The following FAM227B variants were observed in gnomAD, a reference collection of about 807,000 sequenced individuals.
The protein encoded by FAM227B is protein FAM227B.
Under a neutral mutation model 73.8 loss-of-function variants are expected in FAM227B, and 88 were observed. The observed-to-expected ratio is 1.19, with a 90% CI of 1.00 to 1.42. FAM227B has a LOEUF of 1.42. Among genes scored for constraint, FAM227B ranks in the 40% most tolerant of loss-of-function variants. The probability of loss-of-function intolerance (pLI) is 0.00; values close to 1 mark genes in which losing one functional copy is unlikely to be tolerated. For missense variants in FAM227B, 632 were observed against 590.9 expected, an observed-to-expected ratio of 1.07 and a Z score of -0.72; for synonymous variants, 210 against 190.5, an observed-to-expected ratio of 1.10 and a Z score of -0.84.
chr15:49,538,351 T>C (rs1160656801), intron 10 of FAM227B, among the ~76,000 whole-genome samples: 2 of 152,182 alleles, frequency 1.3e-5, no homozygotes, highest in East Asian at 1.9e-4. Context: ...CCTGGAGCAC[T>C]TCATCAGTTT....
chr15:49,387,346 A>C (rs2046945874), intron 11 of FAM227B, among the ~76,000 whole-genome samples: 1 of 151,934 alleles, frequency 6.6e-6, no homozygotes. Flanking sequence ...AATATACGCA[A>C]GTCAGTAAGT....
At chr15:49,518,602 T>A (rs189147886) in intron 10 of FAM227B, among the ~76,000 whole-genome samples, 1 of 152,220 alleles carries the variant, frequency 6.6e-6, no homozygotes, top group African/African-American at 2.4e-5. Flanking sequence ...AATGATCACG[T>A]TCAGGGGAAC....
At chr15:49,402,350 ATCT>A (rs2048225566) in intron 11 of FAM227B, among the ~76,000 whole-genome samples, 1 of 152,200 alleles carries the variant, frequency 6.6e-6, no homozygotes, top group East Asian at 1.9e-4. Context: ...ATGTCATTGA[ATCT>A]ATAAATTACT....
At chr15:49,539,999 T>G (rs1474142046) in intron 10 of FAM227B, among the ~76,000 whole-genome samples, 2 of 152,008 alleles carry the variant, frequency 1.3e-5, no homozygotes, top group South Asian at 4.2e-4. Flanking sequence ...GCATGCATGG[T>G]TTTGGATGTG....
intron 2 of FAM227B, among the ~76,000 whole-genome samples, chr15:49,613,180 A>G (rs2078061542): frequency 1.3e-5 from 2 of 152,138 alleles, no homozygotes; most frequent in South Asian, 4.1e-4. Flanking sequence ...GCAAGAGCCA[A>G]TCTCCATAAA....
chr15:49,344,317 G>A (rs1369291280), intron 13 of FAM227B: 1 of 151,724 alleles, frequency 6.6e-6, no homozygotes, highest in Non-Finnish European at 1.5e-5. Context: ...ATAATGGTAT[G>A]GTTGCTTTCT....
chr15:49,490,038 G>A (rs2056949141), intron 11 of FAM227B, among the ~76,000 whole-genome samples: 1 of 149,776 alleles, frequency 6.7e-6, no homozygotes, highest in Non-Finnish European at 1.5e-5. Flanking sequence ...AGATTCTAAT[G>A]TGCCTCTGCA....
chr15:49,387,028 C>T (rs1159503570), intron 11 of FAM227B, among the ~76,000 whole-genome samples: 2 of 151,634 alleles, frequency 1.3e-5, no homozygotes, highest in Non-Finnish European at 3.0e-5. Context: ...AATAAAAGCC[C>T]AGGACCAGAT....
At chr15:49,565,890 T>A (rs1488677145) in intron 9 of FAM227B, among the ~76,000 whole-genome samples, 1 of 152,048 alleles carries the variant, frequency 6.6e-6, no homozygotes, top group African/African-American at 2.4e-5. Flanking sequence ...GAAGCAGAGA[T>A]TGGAGTGATA....
chr15:49,484,400 G>A, intron 11 of FAM227B: 7 of 1,593,948 alleles, frequency 4.4e-6, no homozygotes, highest in Non-Finnish European at 5.9e-6. Flanking sequence ...ACACAACGGA[G>A]GGGAAATGTT....
At chr15:49,556,294 G>A (rs1471807427) in intron 9 of FAM227B, among the ~76,000 whole-genome samples, 3 of 151,878 alleles carry the variant, frequency 2.0e-5, no homozygotes, top group Non-Finnish European at 4.4e-5. Flanking sequence ...TGTATAAGGT[G>A]GCTTCAGTTT....
At chr15:49,508,149 T>C in intron 11 of FAM227B, 62 bp downstream of exon 11, 1 of 1,522,812 alleles carries the variant, frequency 6.6e-7, no homozygotes, top group Non-Finnish European at 8.9e-7. Context: ...TTCTGCCTAA[T>C]AAATAAATTA....
chr15:49,370,700 A>G lies in FAM227B; in HGVS notation c.1110+602T>C, dbSNP rs1786036270. ...ACAAAATTTTAACAATAAAGACTGT[A>G]ACCAACTTAAAATCTAATTGTCTAA... On this transcript the variant is annotated intron_variant, in intron 12 of 15. Transcript: ENST00000299338. Among the ~76,000 whole-genome samples the G allele has an allele frequency of 2.0e-5, 3 of 152,342 alleles. No homozygotes were observed. In the South Asian group the frequency reaches 6.2e-4, roughly 32 times the overall value.
chr15:49,378,237 T>C (rs562178718), intron 11 of FAM227B, among the ~76,000 whole-genome samples: 4 of 152,160 alleles, frequency 2.6e-5, no homozygotes, highest in East Asian at 3.9e-4. Flanking sequence ...TTTATGCCAG[T>C]ACCATGCTGT....
chr15:49,343,088 G>A (rs1307047569), intron 13 of FAM227B, among the ~76,000 whole-genome samples: 1 of 152,040 alleles, frequency 6.6e-6, no homozygotes, highest in Non-Finnish European at 1.5e-5. Flanking sequence ...CAAGATTAGG[G>A]ACACTTTTTG....
chr15:49,328,035 C>G lies in FAM227B; in HGVS notation c.*533G>C, dbSNP rs150920378. 2 of 1,613,976 alleles carry G rather than the reference C, an allele frequency of 1.2e-6. No individual in the cohort carries two copies. The highest frequency in any genetic ancestry group is 8.5e-7 in the Non-Finnish European group (1 of 1,179,900). On this transcript the variant is annotated 3_prime_UTR_variant, in exon 16 of 16. Coordinates refer to ENST00000299338, the MANE Select transcript of FAM227B (RefSeq NM_152647.3). ...TCAATGGTACCTGCGGACAAGCTGC[C>G]CAGCTTTCTAGCAAATGTGCACAAA...
intron 11 of FAM227B, among the ~76,000 whole-genome samples, chr15:49,414,074 C>T (rs531378021): frequency 1.3e-5 from 2 of 151,956 alleles, no homozygotes; most frequent in African/African-American, 4.8e-5. Flanking sequence ...AATTTAAGCT[C>T]TAAGTCAGGG....
chr15:49,360,228 TTATAG>T (rs771965016), intron 13 of FAM227B, among the ~76,000 whole-genome samples: 23 of 119,538 alleles, frequency 1.9e-4, no homozygotes, highest in East Asian at 8.7e-4. Context: ...ACCCTAAAAC[TTATAG>T]TATAAGGAAA....
In FAM227B at chr15:49,468,812, A is replaced by T. The variant is rs780614324; in HGVS notation, c.1012+39399T>A. On this transcript the variant is annotated intron_variant, in intron 11 of 15. Transcript: ENST00000299338. The stretch of plus-strand genomic sequence containing the variant: ...TTAATGGTCCTATCCCAATACTAGC[A>T]CTGACAAAAGAGGTTTGTCTTCCGT... Among the ~76,000 whole-genome samples the T allele has an allele frequency of 2.2e-4, 33 of 152,182 alleles. 1 individual carries two copies. Among genetic ancestry groups the T allele is most frequent in the Non-Finnish European group, 5.9e-5 (4 of 68,010 alleles).
Sources: allele counts gnomAD v4.1 joint callset (sites outside exome capture counted in the v4.1 genomes callset), GRCh38; gene constraint gnomAD v4.1.1; transcripts MANE v1.5; gene names NCBI Gene and HGNC (gene_info 2026-07-23, HGNC 2026-07-21).